The following ZZEF1 variants were observed in gnomAD, a reference collection of about 807,000 sequenced individuals.
ZZEF1 encodes zinc finger ZZ-type and EF-hand domain containing 1.
Under a neutral mutation model 342.8 loss-of-function variants are expected in ZZEF1, and 157 were observed. The ratio of observed to expected loss-of-function variants is 0.46; its 90% CI spans 0.40 to 0.52. ZZEF1 has a LOEUF of 0.52. ZZEF1 is among the 20% of genes least tolerant of loss of function. The probability of loss-of-function intolerance (pLI) is 0.00; values close to 1 mark genes in which losing one functional copy is unlikely to be tolerated. For missense variants in ZZEF1, 3,480 were observed against 3,725.6 expected, an observed-to-expected ratio of 0.93 and a Z score of 1.72; for synonymous variants, 1,505 against 1,429.1, an observed-to-expected ratio of 1.05 and a Z score of -1.20.
At chr17:4,037,816 C>A (rs1380620054) in intron 39 of ZZEF1, among the ~76,000 whole-genome samples, 1 of 152,156 alleles carries the variant, frequency 6.6e-6, no homozygotes, top group Non-Finnish European at 1.5e-5. Context: ...CTCCTGGGTT[C>A]AAGCAACCCT....
chr17:4,057,172 C>T (rs576612742), intron 32 of ZZEF1, among the ~76,000 whole-genome samples: 7 of 152,290 alleles, frequency 4.6e-5, no homozygotes, highest in African/African-American at 1.4e-4. Context: ...CTGTGGCGTG[C>T]GGGGAGACAA....
At chr17:4,113,055 A>T (rs1476225314) in intron 4 of ZZEF1, among the ~76,000 whole-genome samples, 1 of 152,250 alleles carries the variant, frequency 6.6e-6, no homozygotes, top group Non-Finnish European at 1.5e-5. Flanking sequence ...TACAGAAAGA[A>T]CGAACAGTAT....
intron 11 of ZZEF1, among the ~76,000 whole-genome samples, chr17:4,092,471 T>C (rs1013644842): frequency 6.6e-5 from 10 of 151,950 alleles, no homozygotes; most frequent in Non-Finnish European, 1.3e-4. Context: ...GCTAATTTTT[T>C]TGTATTTTTA....
intron 42 of ZZEF1, among the ~76,000 whole-genome samples, chr17:4,027,286 CTTT>C (rs1179743466): frequency 2.4e-4 from 16 of 67,982 alleles, no homozygotes; most frequent in African/African-American, 9.4e-4. Context: ...CAATATCTCA[CTTT>C]TTTTTTTTTT....
rs1719424248 is a variant in ZZEF1 at position 4,022,762 on chromosome 17, T to A, written c.7159A>T (p.Lys2387Ter). Residue 2387 changes from lysine (K) to a stop codon, truncating the protein, a stop_gained, in exon 44 of 55, where the codon AAG (lysine) becomes TAG (stop). Transcript: ENST00000381638. LOFTEE classifies it high-confidence loss of function. Reference sequence around the variant, plus strand: ...CTAAAGCCAGTCCCTTTGCTGCACTTTTTCACCAGCAACTTCAGCAAATCG... The same window carrying A: ...CTAAAGCCAGTCCCTTTGCTGCACTATTTCACCAGCAACTTCAGCAAATCG... ...QTDLLKLLVK[K>*]CSKGTGFSKT... 2 of 1,613,748 alleles carry A rather than the reference T, an allele frequency of 1.2e-6. No homozygotes were observed. Among genetic ancestry groups the A allele is most frequent in the Non-Finnish European group, 1.7e-6 (2 of 1,179,972 alleles).
chr17:4,118,554 C>G (rs1439774039), intron 2 of ZZEF1, among the ~76,000 whole-genome samples: 2 of 152,242 alleles, frequency 1.3e-5, no homozygotes, highest in Admixed American at 6.5e-5. Flanking sequence ...TGCACAGCAG[C>G]CTGGACCTGT....
Position 4,066,477 on chromosome 17 carries a change from C to G in ZZEF1, c.4219G>C (p.Glu1407Gln), listed in dbSNP as rs771437694. 6.2e-7 allele frequency: 1 copy of G among 1,614,166 alleles called. No homozygotes were observed. The highest frequency in any genetic ancestry group is 8.5e-7 in the Non-Finnish European group (1 of 1,180,024). Residue 1407 changes from glutamate to glutamine, a missense_variant, in exon 28 of 55, where the codon GAA (glutamate) becomes CAA (glutamine). Physicochemically the swap from Glu to Gln is conservative, Grantham distance 29 (BLOSUM62 2). Transcript: ENST00000381638. ...GNEAEEKHSSEATEVNPESLA... is the reference protein window; with the variant it reads ...GNEAEEKHSSQATEVNPESLA... ...CTCTCAGGGTTCACCTCAGTAGCTT[C>G]TGAACTATGTTTTTCTTCTGCTTCA...
chr17:4,055,531 C>T (rs781118098), intron 33 of ZZEF1, among the ~76,000 whole-genome samples: 1 of 152,198 alleles, frequency 6.6e-6, no homozygotes, highest in African/African-American at 2.4e-5. Context: ...TGCTCCCATG[C>T]TCACCAGGCA....
intron 9 of ZZEF1, among the ~76,000 whole-genome samples, chr17:4,098,411 CAAAT>C (rs527561576): frequency 8.7e-4 from 133 of 152,024 alleles, no homozygotes; most frequent in African/African-American, 3.1e-3. Flanking sequence ...GACCCTGTCT[CAAAT>C]GAATGAATGA....
intron 2 of ZZEF1, among the ~76,000 whole-genome samples, chr17:4,122,155 C>T (rs1434853585): frequency 2.0e-5 from 3 of 152,158 alleles, no homozygotes; most frequent in Non-Finnish European, 2.9e-5. Flanking sequence ...GCCTCCATTG[C>T]TGCCCTAGTG....
At chr17:4,074,705 C>A (rs1274373403) in intron 23 of ZZEF1, among the ~76,000 whole-genome samples, 1 of 152,200 alleles carries the variant, frequency 6.6e-6, no homozygotes, top group Non-Finnish European at 1.5e-5. Context: ...ACCTCCAGCC[C>A]AAGAGCTCAA....
At chr17:4,057,665 G>C (rs892284106) in intron 32 of ZZEF1, among the ~76,000 whole-genome samples, 1 of 152,104 alleles carries the variant, frequency 6.6e-6, no homozygotes, top group Non-Finnish European at 1.5e-5. Context: ...GAGGATTCTC[G>C]GCCTCAGAGC....
chr17:4,090,735 T>G lies in ZZEF1; in HGVS notation c.2009A>C (p.Gln670Pro), dbSNP rs1358961373. The change falls in exon 12 of 55, where the codon CAG (glutamine) becomes CCG (proline). Residue 670 changes from glutamine (Q) to proline (P), a missense_variant. Gln to Pro is a moderately conservative substitution (Grantham distance 76). Transcript: ENST00000381638. ...EWDEADVKLQ[Q>P]CRVAKYLMVK... is the part of the protein sequence containing the mutation. ...AATGCTTACTTTGGCAACTCTGCAC[T>G]GTTGCAGCTTCACATCTGCTTCATC... 6.2e-7 allele frequency: 1 copy of G among 1,614,098 alleles called. No homozygotes were observed. Among genetic ancestry groups the G allele is most frequent in the Non-Finnish European group, 8.5e-7 (1 of 1,179,982 alleles).
At position 4,114,478 on chromosome 17, in the gene ZZEF1, G is replaced by A; in HGVS notation, c.695-8C>T. On this transcript the variant is annotated splice_region_variant and splice_polypyrimidine_tract_variant and intron_variant, in intron 3 of 54. Coordinates refer to ENST00000381638, the MANE Select transcript of ZZEF1 (RefSeq NM_015113.4). ...TTAGATCTCCAGGGCTTTCTGTAGG[G>A]GAAACCAGAGTTGATTATATGACAT... is the stretch of plus-strand genomic sequence containing the variant. 2 of 1,500,992 alleles carry A rather than the reference G, an allele frequency of 1.3e-6. No homozygotes were observed. The highest frequency in any genetic ancestry group is 1.8e-6 in the Non-Finnish European group (2 of 1,121,708). The allele number at this position is 1,500,992 out of a possible 1,614,324, so 93.0% of individuals were successfully genotyped here.
At chr17:4,103,489 G>A (rs1164960228) in intron 8 of ZZEF1, among the ~76,000 whole-genome samples, 1 of 152,138 alleles carries the variant, frequency 6.6e-6, no homozygotes, top group East Asian at 1.9e-4. Context: ...GGACGCTGCA[G>A]TGGGCTCAGA....
chr17:4,083,208 T>C (rs1300591985), intron 16 of ZZEF1, among the ~76,000 whole-genome samples: 1 of 152,238 alleles, frequency 6.6e-6, no homozygotes, highest in Non-Finnish European at 1.5e-5. Context: ...AGGTTGGCAG[T>C]GCTATTTAAC....
chr17:4,066,316 A>G, intron 28 of ZZEF1, 131 bp downstream of exon 28: 6 of 749,830 alleles, frequency 8.0e-6, no homozygotes, highest in Non-Finnish European at 1.4e-5. Context: ...TACTATATTT[A>G]GCATCTGTGT....
chr17:4,014,865 AGGT>A lies in ZZEF1; in HGVS notation c.8146-353_8146-351del, dbSNP rs2056060594. Among the ~76,000 whole-genome samples the A allele has an allele frequency of 1.3e-5, 2 of 152,284 alleles. No homozygotes were observed. The highest frequency in any genetic ancestry group is 2.9e-5 in the Non-Finnish European group (2 of 68,020). On this transcript the variant is annotated intron_variant, in intron 49 of 54. Transcript: ENST00000381638. This position sits in a 1 kb window ranked among gnomAD's most constrained non-coding sequence, Gnocchi z 4.4. Reference sequence around the variant, plus strand: ...TTCAGACAGGGTAACAGCCCTGTGAAGGTCTAGCATGTTCAGGGAATGGCAAGG... The same window carrying A: ...TTCAGACAGGGTAACAGCCCTGTGAACTAGCATGTTCAGGGAATGGCAAGG...
intron 43 of ZZEF1, 98 bp from the exon 44 acceptor site, chr17:4,022,926 C>T (rs994913949): frequency 1.1e-5 from 16 of 1,479,540 alleles, no homozygotes; most frequent in Middle Eastern, 3.6e-4. Context: ...TTCATTCATT[C>T]GTCCATTCAA....
Sources: gnomAD v4.1 joint callset for allele counts (sites outside exome capture counted in the v4.1 genomes callset) on GRCh38, gnomAD v4.1.1 for gene constraint, Gnocchi (gnomAD v3.1) non-coding constraint, MANE v1.5 for transcripts, NCBI Gene and HGNC (gene_info 2026-07-23, HGNC 2026-07-21) for gene names.